CTNND2: variants seen among roughly 807,000 people sequenced by gnomAD.
The protein encoded by CTNND2 is catenin delta 2.
CTNND2 carries 22 observed loss-of-function variants against 144.4 expected under a neutral mutation model. The observed-to-expected ratio is 0.15, with a 90% confidence interval of 0.11 to 0.22. The LOEUF is 0.22. CTNND2 is among the 10% of genes least tolerant of loss of function. CTNND2 has a pLI of 1.00. For synonymous variants in CTNND2, 751 were observed against 695.6 expected, an observed-to-expected ratio of 1.08 and a Z score of -1.25; for missense variants, 1,353 against 1,618.8, an observed-to-expected ratio of 0.84 and a Z score of 2.82.
chr5:11,230,317 T>A (rs1740862446), intron 10 of CTNND2, among the ~76,000 whole-genome samples: 1 of 150,896 alleles, frequency 6.6e-6, no homozygotes, highest in Non-Finnish European at 1.5e-5. Flanking sequence ...TGTATACATA[T>A]GTAACTAACC....
intron 8 of CTNND2, among the ~76,000 whole-genome samples, chr5:11,351,105 A>G (rs187952828): frequency 8.2e-4 from 125 of 152,318 alleles, no homozygotes; most frequent in African/African-American, 2.7e-3. Context: ...AATTAATATC[A>G]GTCACACTAT....
intron 11 of CTNND2, among the ~76,000 whole-genome samples, chr5:11,182,748 T>A (rs1735220634): frequency 1.3e-5 from 2 of 152,212 alleles, no homozygotes; most frequent in Admixed American, 1.3e-4. Flanking sequence ...AAATTTCATA[T>A]GACTGACAGA....
rs1324311968 is a variant in CTNND2, at chr5:11,485,770, C to G, written c.288-73701G>C. ...TCAACATATTTGGGAGAAACAAACT[C>G]CAAACAAGAAAATGAATAGCTATGA... On this transcript the variant is annotated intron_variant, in intron 3 of 21. Transcript: ENST00000304623. 4.6e-5 allele frequency among the ~76,000 whole-genome samples: 7 copies of G among 151,970 alleles called. No individual in the cohort carries two copies. The East Asian group carries it at 1.4e-3, about 29-fold the overall frequency.
At chr5:11,815,274 A>G (rs1792562018) in intron 1 of CTNND2, among the ~76,000 whole-genome samples, 1 of 152,232 alleles carries the variant, frequency 6.6e-6, no homozygotes, top group African/African-American at 2.4e-5. Flanking sequence ...TTAAATGTTA[A>G]TTAAAATTAA....
chr5:11,341,959 A>G (rs1227231912), intron 9 of CTNND2, among the ~76,000 whole-genome samples: 1 of 152,306 alleles, frequency 6.6e-6, no homozygotes, highest in Middle Eastern at 3.4e-3. Flanking sequence ...GCAATGAGCT[A>G]GGATCACACC....
chr5:11,297,114 C>T (rs1749107198), intron 9 of CTNND2, among the ~76,000 whole-genome samples: 1 of 152,048 alleles, frequency 6.6e-6, no homozygotes, highest in African/African-American at 2.4e-5. Flanking sequence ...GAAAGTCAGC[C>T]CAGTATGTGC....
At chr5:11,851,918 A>G (rs1239667048) in intron 1 of CTNND2, among the ~76,000 whole-genome samples, 1 of 152,196 alleles carries the variant, frequency 6.6e-6, no homozygotes, top group Non-Finnish European at 1.5e-5. Context: ...CAAATAAAAG[A>G]TTTTGAATAT....
intron 3 of CTNND2, among the ~76,000 whole-genome samples, chr5:11,519,987 TA>T (rs141200599): frequency 0.18 from 25,951 of 141,640 alleles, 3,766 homozygotes; most frequent in African/African-American, 0.41. Flanking sequence ...AAAAATAGAA[TA>T]AAAAAAAAAA....
chr5:11,308,902 C>T (rs900663836), intron 9 of CTNND2, among the ~76,000 whole-genome samples: 5 of 152,078 alleles, frequency 3.3e-5, no homozygotes, highest in Admixed American at 1.3e-4. Flanking sequence ...CGGCAGAAGG[C>T]GAAGGGGAAG....
chr5:11,280,547 C>G (rs755862300), intron 9 of CTNND2, among the ~76,000 whole-genome samples: 5 of 152,160 alleles, frequency 3.3e-5, no homozygotes, highest in Non-Finnish European at 7.3e-5. Context: ...GACATTAGTT[C>G]TGCGATATCA....
intron 3 of CTNND2, among the ~76,000 whole-genome samples, chr5:11,471,275 C>T (rs920705736): frequency 6.6e-5 from 10 of 151,828 alleles, no homozygotes; most frequent in African/African-American, 2.2e-4. Flanking sequence ...CTGCACCTGG[C>T]CCAAAGTCTA....
Position 11,303,893 on chromosome 5 carries a change from C to T in CTNND2, c.1628+42479G>A, listed in dbSNP as rs571750451. On this transcript the variant is annotated intron_variant, in intron 9 of 21. Coordinates refer to ENST00000304623, the MANE Select transcript of CTNND2 (RefSeq NM_001332.4). ...GTGGGAGGGACCTGGTGGGAGATAACTGAATCATGGGGGCGGTTTCCCCCA... is the reference window on the plus strand; with the variant it reads ...GTGGGAGGGACCTGGTGGGAGATAATTGAATCATGGGGGCGGTTTCCCCCA... 1.1e-4 allele frequency among the ~76,000 whole-genome samples: 17 copies of T among 152,276 alleles called. 1 individual carries two copies. The South Asian group carries it at 2.1e-3, about 19-fold the overall frequency.
At chr5:11,828,516 G>A (rs1435292571) in intron 1 of CTNND2, among the ~76,000 whole-genome samples, 3 of 152,080 alleles carry the variant, frequency 2.0e-5, no homozygotes, top group African/African-American at 7.2e-5. Flanking sequence ...GGCAACAAGA[G>A]TGAAACTCCG....
chr5:11,328,472 T>G (rs555126427), intron 9 of CTNND2, among the ~76,000 whole-genome samples: 52 of 152,116 alleles, frequency 3.4e-4, no homozygotes, highest in East Asian at 5.8e-4. Context: ...TGTTGTTGTT[T>G]TTTGTATTTT....
rs1172967732 is a variant in CTNND2 at position 11,159,502 on chromosome 5, CTAAAGT to C, written c.2159+68_2159+73del. 4 of 1,265,442 alleles carry C rather than the reference CTAAAGT, an allele frequency of 3.2e-6. No individual in the cohort carries two copies. In the African/African-American group the frequency reaches 6.0e-5, roughly 19 times the overall value. The allele number at this position is 1,265,442 out of a possible 1,614,324, so 78.4% of individuals were successfully genotyped here. A position where few individuals can be genotyped will look rare whatever the true frequency, so the allele number is the denominator to read the frequency against. ...GGTCTGATCCTCAGTAAAAGAGCCACTAAAGTTATGGAAAGAGACAGTGTCTGGCCA... is the reference window on the plus strand; with the variant it reads ...GGTCTGATCCTCAGTAAAAGAGCCACTATGGAAAGAGACAGTGTCTGGCCA... On this transcript the variant is annotated intron_variant, in intron 12 of 21. Coordinates refer to ENST00000304623, the MANE Select transcript of CTNND2 (RefSeq NM_001332.4).
At chr5:11,209,892 A>G (rs1487638676) in intron 10 of CTNND2, among the ~76,000 whole-genome samples, 1 of 152,220 alleles carries the variant, frequency 6.6e-6, no homozygotes, top group African/African-American at 2.4e-5. Context: ...ACTGCACTCC[A>G]GCCTGGGAGA....
chr5:11,162,895 A>G (rs1302961716), intron 11 of CTNND2, among the ~76,000 whole-genome samples: 1 of 98,062 alleles, frequency 1.0e-5, no homozygotes, highest in Non-Finnish European at 2.1e-5. Context: ...ACACACACAC[A>G]CACACACACA....
chr5:11,270,468 T>C (rs1684695120), intron 9 of CTNND2, among the ~76,000 whole-genome samples: 1 of 124,614 alleles, frequency 8.0e-6, no homozygotes, highest in South Asian at 2.6e-4. Flanking sequence ...GAAAACAATG[T>C]GGTAAAAAAA....
chr5:11,188,651 G>A (rs902345186), intron 11 of CTNND2, among the ~76,000 whole-genome samples: 1 of 152,122 alleles, frequency 6.6e-6, no homozygotes, highest in Non-Finnish European at 1.5e-5. Flanking sequence ...TACTGTATAT[G>A]GAAATGTCTT....
Sources: gnomAD v4.1 joint callset for allele counts (sites outside exome capture counted in the v4.1 genomes callset) on GRCh38, gnomAD v4.1.1 for gene constraint, MANE v1.5 for transcripts, NCBI Gene and HGNC (gene_info 2026-07-23, HGNC 2026-07-21) for gene names.